The following LARGE1 variants were observed in gnomAD, a reference collection of about 807,000 sequenced individuals.
The protein encoded by LARGE1 is xylosyl- and glucuronyltransferase LARGE1.
Under a neutral mutation model 87.6 loss-of-function variants are expected in LARGE1, and 43 were observed. The observed-to-expected ratio is 0.49, with a 90% confidence interval of 0.38 to 0.63. The LOEUF is 0.63. Ranked by LOEUF, LARGE1 falls within the 30% of genes least tolerant of loss-of-function variation. The pLI, the probability that LARGE1 is intolerant of heterozygous loss-of-function variation, is 0.00. For synonymous variants in LARGE1, 434 were observed against 394.6 expected, an observed-to-expected ratio of 1.10 and a Z score of -1.18; for missense variants, 802 against 1,000.2, an observed-to-expected ratio of 0.80 and a Z score of 2.67.
chr22:33,201,321 A>G (rs182464216), intron 11 of LARGE1, among the ~76,000 whole-genome samples: 67 of 145,368 alleles, frequency 4.6e-4, no homozygotes, highest in African/African-American at 1.5e-3. Context: ...AAAGAAAGAA[A>G]GAGAGAAAGA....
chr22:33,921,647 A>AT (rs984944729), upstream of LARGE1, among the ~76,000 whole-genome samples: 1 of 151,970 alleles, frequency 6.6e-6, no homozygotes, highest in African/African-American at 2.4e-5. The surrounding 1 kb of genome is among the most constrained non-coding windows in gnomAD (Gnocchi z 4.1). Context: ...AGGAAACTAC[A>AT]TTTCTTTTTC....
chr22:33,860,548 T>C (rs574922457), intron 1 of LARGE1, among the ~76,000 whole-genome samples: 1 of 152,298 alleles, frequency 6.6e-6, no homozygotes, highest in Admixed American at 6.5e-5. Flanking sequence ...CACTGGATTC[T>C]CTACTCAGCA....
At chr22:33,311,577 G>A (rs559156376) in intron 11 of LARGE1, among the ~76,000 whole-genome samples, 2 of 152,186 alleles carry the variant, frequency 1.3e-5, no homozygotes, top group Non-Finnish European at 2.9e-5. Context: ...TGAATCTGAC[G>A]TTATCACCAT....
At chr22:33,150,616 G>A in the LARGE1 span, among the ~76,000 whole-genome samples, 1 of 152,124 alleles carries the variant, frequency 6.6e-6, no homozygotes, top group Non-Finnish European at 1.5e-5. Flanking sequence ...TTCATTTTTA[G>A]TTTCTGTATA....
At chr22:33,201,320 AAGAGAGAAAGAGAGAGAGAAAGAAAG>A (rs1183625142) in intron 11 of LARGE1, among the ~76,000 whole-genome samples, 3 of 146,400 alleles carry the variant, frequency 2.0e-5, no homozygotes, top group East Asian at 4.0e-4. Context: ...AAAAGAAAGA[AAGAGAGAAAGAGAGAGAGAAAGAAAG>A]AGAGAGAAAG....
the LARGE1 span, among the ~76,000 whole-genome samples, chr22:33,077,490 T>C: frequency 6.6e-6 from 1 of 152,206 alleles, no homozygotes; most frequent in African/African-American, 2.4e-5. Flanking sequence ...ATGTTAGTAA[T>C]GTGGAGAGCA....
chr22:33,490,638 A>G (rs1162940756), intron 6 of LARGE1, among the ~76,000 whole-genome samples: 2 of 152,224 alleles, frequency 1.3e-5, no homozygotes, highest in African/African-American at 2.4e-5. Context: ...AGTGGATGCC[A>G]TAGTACCTGG....
intron 6 of LARGE1, among the ~76,000 whole-genome samples, chr22:33,507,645 TACC>T (rs1046021702): frequency 2.0e-5 from 3 of 152,196 alleles, no homozygotes; most frequent in Non-Finnish European, 4.4e-5. Flanking sequence ...GCGATGGTTG[TACC>T]ACAACGTGAA....
chr22:33,620,930 A>AG, intron 4 of LARGE1, among the ~76,000 whole-genome samples: 1 of 151,518 alleles, frequency 6.6e-6, no homozygotes, highest in Non-Finnish European at 1.5e-5. Context: ...TCTGTCTCAA[A>AG]AAAAACAAGA....
In LARGE1 at chr22:33,470,828, A is replaced by G. The variant is rs1390467283; in HGVS notation, c.788-38563T>C. ...TGAGTAAAAGGCAGTGTAGTCTCAT[A>G]GAAACACCATGCATGAATCTGAGAG... On this transcript the variant is annotated intron_variant, in intron 6 of 14. Transcript: ENST00000397394. Among the ~76,000 whole-genome samples, 3 of 152,244 alleles carry G rather than the reference A, an allele frequency of 2.0e-5. No homozygotes were observed. In the East Asian group the frequency reaches 5.8e-4, roughly 29 times the overall value.
At position 33,650,515 on chromosome 22, in the gene LARGE1, T is replaced by TGGGCCA. The variant is rs759978690; in HGVS notation, c.254_259dup (p.Leu85_Ala86dup). The TGGGCCA allele has an allele frequency of 2.5e-6, 4 of 1,612,858 alleles. No individual in the cohort carries two copies. The Admixed American group carries it at 6.7e-5, about 27-fold the overall frequency. ...TCGGCGATGGGATGGGGCTCGGCCCTGGGCCAGGCTGAGCTGCCTGCGGAG... is the reference window on the plus strand; with the variant it reads ...TCGGCGATGGGATGGGGCTCGGCCCTGGGCCAGGGCCAGGCTGAGCTGCCTGCGGAG... On this transcript the variant is annotated inframe_insertion, in exon 3 of 15. Transcript: ENST00000397394.
intron 9 of LARGE1, among the ~76,000 whole-genome samples, chr22:33,344,840 A>G (rs1198303231): frequency 3.0e-5 from 1 of 32,852 alleles, no homozygotes; most frequent in Non-Finnish European, 6.3e-5. Context: ...GGTGACTGCT[A>G]AAGAATGTCT....
chr22:33,464,904 CACAT>C (rs1390933140), intron 6 of LARGE1, among the ~76,000 whole-genome samples: 152 of 141,410 alleles, frequency 1.1e-3, no homozygotes, highest in African/African-American at 4.5e-3. Flanking sequence ...CACACACACA[CACAT>C]ACACATGCAC....
At chr22:33,418,848 C>T (rs1455504866) in intron 7 of LARGE1, among the ~76,000 whole-genome samples, 3 of 152,090 alleles carry the variant, frequency 2.0e-5, no homozygotes, top group Non-Finnish European at 4.4e-5. Context: ...CTTCAGGAAC[C>T]TTGGGGCACA....
chr22:33,764,255 A>G (rs2084828783), intron 1 of LARGE1, among the ~76,000 whole-genome samples: 1 of 152,132 alleles, frequency 6.6e-6, no homozygotes, highest in South Asian at 2.1e-4. Flanking sequence ...TAGGTGATTT[A>G]AACCTGAAGG....
chr22:33,191,251 G>A lies in LARGE1; in HGVS notation c.1731-24419C>T, dbSNP rs1473539707. 6.6e-5 allele frequency among the ~76,000 whole-genome samples: 10 copies of A among 151,140 alleles called. No homozygotes were observed. In the Admixed American group the frequency reaches 6.6e-4, roughly 10 times the overall value. Reference sequence around the variant, plus strand: ...GGATATGATGATGGAAACAGATACAGTTATGTAAAAAGTACATTCTGCTAC... The same window carrying A: ...GGATATGATGATGGAAACAGATACAATTATGTAAAAAGTACATTCTGCTAC... On this transcript the variant is annotated intron_variant, in intron 11 of 11. Coordinates refer to the LARGE1 transcript ENST00000608642.
chr22:33,399,991 C>T (rs1048441543), intron 7 of LARGE1, among the ~76,000 whole-genome samples: 4 of 152,164 alleles, frequency 2.6e-5, no homozygotes, highest in South Asian at 4.1e-4. Flanking sequence ...ACATTTTAGA[C>T]AGTAAATGAT....
intron 2 of LARGE1, among the ~76,000 whole-genome samples, chr22:33,742,058 G>A (rs1422077614): frequency 1.3e-5 from 2 of 152,150 alleles, no homozygotes; most frequent in East Asian, 3.9e-4. Flanking sequence ...TGTAAGATGG[G>A]GCTAACAAGG....
At chr22:33,398,515 C>T (rs1351473519) in intron 7 of LARGE1, among the ~76,000 whole-genome samples, 1 of 152,200 alleles carries the variant, frequency 6.6e-6, no homozygotes, top group African/African-American at 2.4e-5. Flanking sequence ...TCCTGGTCAA[C>T]CCTGCAGATC....
Sources: allele counts gnomAD v4.1 joint callset (sites outside exome capture counted in the v4.1 genomes callset), GRCh38; gene constraint gnomAD v4.1.1; non-coding constraint Gnocchi (gnomAD v3.1); transcripts MANE v1.5; gene names NCBI Gene and HGNC (gene_info 2026-07-23, HGNC 2026-07-21).